GALR1: variants seen among roughly 807,000 people sequenced by gnomAD.
GALR1 encodes galanin receptor type 1.
A neutral mutation model predicts 17.9 loss-of-function variants in GALR1; 11 were observed. That is an observed-to-expected ratio of 0.62 (90% CI 0.39 to 1.02). The LOEUF (loss-of-function observed/expected upper bound fraction) is 1.02. Ranked by LOEUF, GALR1 falls within the 50% of genes least tolerant of loss-of-function variation. The pLI, the probability that GALR1 is intolerant of heterozygous loss-of-function variation, is 0.01. For missense variants in GALR1, 441 were observed against 456.9 expected (o/e 0.97, Z 0.32); for synonymous variants, 206 against 205.7 (o/e 1.00, Z -0.01).
rs948116560 is a variant in GALR1, at chr18:77,250,543, C to G, written c.-6C>G. The G allele has an allele frequency of 2.6e-6, 4 of 1,514,216 alleles. No homozygotes were observed. Among genetic ancestry groups the G allele is most frequent in the Non-Finnish European group, 3.5e-6 (4 of 1,136,744 alleles). 93.8% of individuals were successfully genotyped at this position (1,514,216 alleles called of 1,614,324 possible). On this transcript the variant is annotated 5_prime_UTR_variant, in exon 1 of 3. Coordinates refer to ENST00000299727, the MANE Select transcript of GALR1 (RefSeq NM_001480.4). Reference sequence around the variant, plus strand: ...CCCGCCGCTCGCCGGGACAGCCCCGCGGGCCATGGAGCTGGCGGTCGGGAA... The same window carrying G: ...CCCGCCGCTCGCCGGGACAGCCCCGGGGGCCATGGAGCTGGCGGTCGGGAA...
Position 77,271,181 on chromosome 18 carries a change from C to G in GALR1, c.*2279C>G, listed in dbSNP as rs1913054053. ...AAAATGTGCTGTGCCTTTGGTCCTTCCCAGATGCTACTGGCACGTCTGAAG... is the reference window on the plus strand; with the variant it reads ...AAAATGTGCTGTGCCTTTGGTCCTTGCCAGATGCTACTGGCACGTCTGAAG... On this transcript the variant is annotated 3_prime_UTR_variant, in exon 3 of 3. Transcript: ENST00000299727. 6.6e-6 allele frequency: 1 copy of G among 151,824 alleles called. No individual in the cohort carries two copies. The highest frequency in any genetic ancestry group is 2.1e-4 in the South Asian group (1 of 4,806). The allele number at this position is 151,824 out of a possible 1,614,324, so 9.4% of individuals were successfully genotyped here.
chr18:77,277,817 A>G lies in GALR1; in HGVS notation c.*8915A>G, dbSNP rs923126316. 2.0e-5 allele frequency: 3 copies of G among 152,008 alleles called. No individual in the cohort carries two copies. Among genetic ancestry groups the G allele is most frequent in the Non-Finnish European group, 4.4e-5 (3 of 68,000 alleles). The allele number at this position is 152,008 out of a possible 1,614,324, so 9.4% of individuals were successfully genotyped here. A position where few individuals can be genotyped will look rare whatever the true frequency, so the allele number is the denominator to read the frequency against. On this transcript the variant is annotated 3_prime_UTR_variant, in exon 3 of 3. Transcript: ENST00000299727. ...AAATCTAGTCATCCTCCATCATCCT[A>G]CCTCTGTGTTCTGCATGAAATATAA...
chr18:77,263,098 C>A (rs1467865698), intron 2 of GALR1, among the ~76,000 whole-genome samples: 2 of 152,256 alleles, frequency 1.3e-5, no homozygotes, highest in Non-Finnish European at 2.9e-5. Flanking sequence ...AAATGCAATA[C>A]CCGGAGGGTA....
At position 77,261,906 on chromosome 18, in the gene GALR1, C is replaced by T. The variant is rs373777207; in HGVS notation, c.732+5683C>T. On this transcript the variant is annotated intron_variant, in intron 2 of 2. Transcript: ENST00000299727. ...TGGTGTGATCATAGCTCACTGCAGC[C>T]TCAACTTTGTGGGCTCAAGAGATCC... 4.3e-4 allele frequency among the ~76,000 whole-genome samples: 65 copies of T among 152,228 alleles called. 1 individual carries two copies. The East Asian group carries it at 6.6e-3, about 15-fold the overall frequency.
intron 1 of GALR1, among the ~76,000 whole-genome samples, chr18:77,254,392 A>C (rs62105209): frequency 0.17 from 25,392 of 152,246 alleles, 2,360 homozygotes; most frequent in East Asian, 0.31. Context: ...AACAGCATTC[A>C]ACATTCTTGG....
chr18:77,277,214 T>C lies in GALR1; in HGVS notation c.*8312T>C, dbSNP rs2144974632. 6.6e-6 allele frequency: 1 copy of C among 152,354 alleles called. No homozygotes were observed. Among genetic ancestry groups the C allele is most frequent in the Non-Finnish European group, 1.5e-5 (1 of 68,030 alleles). 9.4% of individuals were successfully genotyped at this position (152,354 alleles called of 1,614,324 possible). ...AAGGAAAAAAAATCTATGTGTACTGTATTTTTAAATTTTAATAAGGTTTGA... is the reference window on the plus strand; with the variant it reads ...AAGGAAAAAAAATCTATGTGTACTGCATTTTTAAATTTTAATAAGGTTTGA... On this transcript the variant is annotated 3_prime_UTR_variant, in exon 3 of 3. Coordinates refer to ENST00000299727, the MANE Select transcript of GALR1 (RefSeq NM_001480.4).
At position 77,270,575 on chromosome 18, in the gene GALR1, G is replaced by A. The variant is rs948009555; in HGVS notation, c.*1673G>A. On this transcript the variant is annotated 3_prime_UTR_variant, in exon 3 of 3. Transcript: ENST00000299727. ...GTGTGTGTGTGTGTAATGTACCTCTGTGCCAAATCAGCACTCCACATGAAA... is the reference window on the plus strand; with the variant it reads ...GTGTGTGTGTGTGTAATGTACCTCTATGCCAAATCAGCACTCCACATGAAA... 1 of 151,338 alleles carries A rather than the reference G, an allele frequency of 6.6e-6. No homozygotes were observed. The highest frequency in any genetic ancestry group is 6.6e-5 in the Admixed American group (1 of 15,186). The allele number at this position is 151,338 out of a possible 1,614,324, so 9.4% of individuals were successfully genotyped here.
At chr18:77,260,849 T>G (rs1215031931) in intron 2 of GALR1, among the ~76,000 whole-genome samples, 1 of 151,670 alleles carries the variant, frequency 6.6e-6, no homozygotes, top group African/African-American at 2.4e-5. Flanking sequence ...ACACCCATAC[T>G]GGATGGTTGC....
rs1481399255 is a variant in GALR1, at chr18:77,268,910, T to TA, written c.*9dup. The TA allele has an allele frequency of 4.4e-6, 7 of 1,596,210 alleles. No homozygotes were observed. The African/African-American group carries it at 8.1e-5, about 18-fold the overall frequency. On this transcript the variant is annotated 3_prime_UTR_variant, in exon 3 of 3. Transcript: ENST00000299727. Reference sequence around the variant, plus strand: ...AATTGTACTCATGTGTGATAAAAGATAGAGTATCCTTATGGTTGAGTTTCC... The same window carrying TA: ...AATTGTACTCATGTGTGATAAAAGATAAGAGTATCCTTATGGTTGAGTTTCC...
In GALR1 at chr18:77,252,956, CCATCACCACCACCAT is replaced by C. The variant is rs1568139171; in HGVS notation, c.666+1745_666+1759del. Among the ~76,000 whole-genome samples, 147 of 55,294 alleles carry C rather than the reference CCATCACCACCACCAT, an allele frequency of 2.7e-3. 2 individuals are homozygous for C. The highest frequency in any genetic ancestry group is 4.6e-3 in the African/African-American group (71 of 15,342). 36.3% of individuals were successfully genotyped at this position (55,294 alleles called of 152,430 possible). ...ACCACCACCACCACCACCATCACCA[CCATCACCACCACCAT>C]CACCACCATCACCACCATCACCACC... On this transcript the variant is annotated intron_variant, in intron 1 of 2. Coordinates refer to ENST00000299727, the MANE Select transcript of GALR1 (RefSeq NM_001480.4).
At chr18:77,260,610 T>G (rs1416293189) in intron 2 of GALR1, among the ~76,000 whole-genome samples, 1 of 152,232 alleles carries the variant, frequency 6.6e-6, no homozygotes, top group Non-Finnish European at 1.5e-5. Context: ...GGGGCTTTCC[T>G]GTTGAGAGTT....
intron 2 of GALR1, among the ~76,000 whole-genome samples, chr18:77,256,817 A>G (rs1912602381): frequency 6.6e-6 from 1 of 152,170 alleles, no homozygotes; most frequent in African/African-American, 2.4e-5. Context: ...CGATTTAAAC[A>G]AGCTTCTCCT....
chr18:77,267,952 A>T (rs1568144536), intron 2 of GALR1, among the ~76,000 whole-genome samples: 1 of 152,198 alleles, frequency 6.6e-6, no homozygotes, highest in African/African-American at 2.4e-5. Context: ...CACAAAAGAA[A>T]CACGAAGACC....
chr18:77,261,399 C>G (rs778269636), intron 2 of GALR1, among the ~76,000 whole-genome samples: 1 of 152,292 alleles, frequency 6.6e-6, no homozygotes, highest in Non-Finnish European at 1.5e-5. Flanking sequence ...GAAAGAATCA[C>G]GTCATAAATA....
rs543850644 is a variant in GALR1, at chr18:77,265,243, C to T, written c.733-3342C>T. ...GAAATTAGCCAAAACAAAGAGGCTA[C>T]AGGCCCCATGCAAATCTGAAATCCA... On this transcript the variant is annotated intron_variant, in intron 2 of 2. Coordinates refer to ENST00000299727, the MANE Select transcript of GALR1 (RefSeq NM_001480.4). Among the ~76,000 whole-genome samples, 7 of 152,324 alleles carry T rather than the reference C, an allele frequency of 4.6e-5. 2 individuals carry two copies. Among genetic ancestry groups the T allele is most frequent in the African/African-American group, 1.7e-4 (7 of 41,560 alleles).
At chr18:77,252,923 T>C (rs868664048) in intron 1 of GALR1, among the ~76,000 whole-genome samples, 4,791 of 82,250 alleles carry the variant, frequency 0.058, 88 homozygotes, top group East Asian at 0.094. Context: ...ACCACCACCA[T>C]CACCACCACC....
chr18:77,252,114 C>T (rs186384823), intron 1 of GALR1, among the ~76,000 whole-genome samples: 3 of 152,254 alleles, frequency 2.0e-5, no homozygotes, highest in East Asian at 3.9e-4. Flanking sequence ...TTTGTACAGC[C>T]GGGCAGAGCT....
intron 1 of GALR1, among the ~76,000 whole-genome samples, chr18:77,255,708 T>C (rs12457281): frequency 0.9 from 137,319 of 152,152 alleles, 62,618 homozygotes; most frequent in Non-Finnish European, 0.98. Context: ...TGGTGAATTT[T>C]GGAAGGGCAA....
intron 2 of GALR1, among the ~76,000 whole-genome samples, chr18:77,258,372 T>C (rs1045360611): frequency 6.6e-6 from 1 of 152,250 alleles, no homozygotes; most frequent in African/African-American, 2.4e-5. Flanking sequence ...TAACAGCTAC[T>C]GAACAGATGT....
Sources: allele counts gnomAD v4.1 joint callset (sites outside exome capture counted in the v4.1 genomes callset), GRCh38; gene constraint gnomAD v4.1.1; transcripts MANE v1.5; gene names NCBI Gene and HGNC (gene_info 2026-07-23, HGNC 2026-07-21).